The following PRDM11 variants were observed in gnomAD, a reference collection of about 807,000 sequenced individuals.
The protein encoded by PRDM11 is PR/SET domain 11.
A neutral mutation model predicts 97.8 loss-of-function variants in PRDM11; 20 were observed. The ratio of observed to expected loss-of-function variants is 0.20; its 90% CI spans 0.14 to 0.30. The LOEUF (loss-of-function observed/expected upper bound fraction) is 0.30, where lower values mean the gene tolerates loss of function less well. Among genes scored for constraint, PRDM11 ranks in the 10% least tolerant of loss-of-function variants. The pLI is 1.00. For missense variants in PRDM11, 1,139 were observed against 1,555.2 expected, an observed-to-expected ratio of 0.73 and a Z score of 4.50; for synonymous variants, 599 against 637.7, an observed-to-expected ratio of 0.94 and a Z score of 0.91.
chr11:45,189,547 G>A (rs1215081039), intron 4 of PRDM11, among the ~76,000 whole-genome samples: 1 of 152,202 alleles, frequency 6.6e-6, no homozygotes, highest in Non-Finnish European at 1.5e-5. Flanking sequence ...TTTCCCAGGG[G>A]CCCTTATAAA....
At chr11:45,157,802 A>G (rs1347822497) in intron 1 of PRDM11, among the ~76,000 whole-genome samples, 1 of 152,110 alleles carries the variant, frequency 6.6e-6, no homozygotes, top group Non-Finnish European at 1.5e-5. Context: ...GCCCTACTAG[A>G]GCTGCAGGAA....
chr11:45,167,492 G>A (rs1370712593), intron 1 of PRDM11, among the ~76,000 whole-genome samples: 2 of 152,192 alleles, frequency 1.3e-5, no homozygotes, highest in Non-Finnish European at 2.9e-5. Context: ...ACTATTCACA[G>A]TGGGCTGTGT....
intron 1 of PRDM11, among the ~76,000 whole-genome samples, chr11:45,140,857 A>G (rs1410507813): frequency 6.6e-6 from 1 of 152,188 alleles, no homozygotes; most frequent in Non-Finnish European, 1.5e-5. Flanking sequence ...CATCTCTTGA[A>G]TGATGATTGA....
chr11:45,210,363 G>A (rs1853683984), intron 5 of PRDM11, among the ~76,000 whole-genome samples: 1 of 152,212 alleles, frequency 6.6e-6, no homozygotes, highest in African/African-American at 2.4e-5. Context: ...CGGCCGAGGC[G>A]GGTGTCCCTT....
At chr11:45,213,703 G>T in intron 5 of PRDM11, 1 of 456,500 alleles carries the variant, frequency 2.2e-6, no homozygotes. Context: ...TCTCAGTGGG[G>T]GCTCAGGACA....
intron 1 of PRDM11, among the ~76,000 whole-genome samples, chr11:45,128,975 C>T (rs937324081): frequency 1.2e-4 from 18 of 152,062 alleles, no homozygotes; most frequent in Non-Finnish European, 2.2e-4. Flanking sequence ...TATATCATGA[C>T]CACATGGTGT....
intron 1 of PRDM11, among the ~76,000 whole-genome samples, chr11:45,098,285 C>T (rs1412117337): frequency 3.3e-5 from 5 of 152,202 alleles, no homozygotes; most frequent in African/African-American, 9.7e-5. Context: ...TAAGGAAGGA[C>T]CCTCTGGCCA....
intron 1 of PRDM11, among the ~76,000 whole-genome samples, chr11:45,126,447 T>C (rs1034560984): frequency 2.6e-4 from 40 of 152,178 alleles, no homozygotes; most frequent in African/African-American, 8.4e-4. Flanking sequence ...GTCTTTACAA[T>C]TTGGCATGGT....
At chr11:45,168,251 G>C (rs1852116108) in intron 1 of PRDM11, among the ~76,000 whole-genome samples, 1 of 152,166 alleles carries the variant, frequency 6.6e-6, no homozygotes, top group South Asian at 2.1e-4. Context: ...AGGTTCCCTG[G>C]ACTCCTTATG....
upstream of PRDM11, among the ~76,000 whole-genome samples, chr11:45,145,670 G>A (rs996456778): frequency 6.6e-6 from 1 of 152,234 alleles, no homozygotes; most frequent in Non-Finnish European, 1.5e-5. Flanking sequence ...TGGTAGGAGA[G>A]ACGTCGCCAT....
chr11:45,184,936 G>A lies in PRDM11; in HGVS notation c.486+1813G>A, dbSNP rs544901516. Among the ~76,000 whole-genome samples the A allele has an allele frequency of 8.5e-5, 13 of 152,230 alleles. No homozygotes were observed. The South Asian group carries it at 2.7e-3, about 32-fold the overall frequency. On this transcript the variant is annotated intron_variant, in intron 4 of 7. Coordinates refer to ENST00000683152, the MANE Select transcript of PRDM11 (RefSeq NM_001384648.1). The stretch of plus-strand genomic sequence containing the variant: ...CTTTGAGGGACTTTAGCAGTTCATG[G>A]TCTAGAAGGGGAGCTTGATCCTGCA...
upstream of PRDM11, among the ~76,000 whole-genome samples, chr11:45,142,142 T>C (rs1851418943): frequency 6.6e-6 from 1 of 152,194 alleles, no homozygotes; most frequent in African/African-American, 2.4e-5. Context: ...CAAGGTGATC[T>C]CATGAAAACA....
At chr11:45,099,561 A>C (rs1204801015) in intron 1 of PRDM11, among the ~76,000 whole-genome samples, 1 of 143,354 alleles carries the variant, frequency 7.0e-6, no homozygotes, top group Non-Finnish European at 1.5e-5. Context: ...TTTTTTTTTT[A>C]CTTTTTTTAT....
intron 4 of PRDM11, among the ~76,000 whole-genome samples, chr11:45,203,233 C>G (rs1050889064): frequency 6.6e-6 from 1 of 152,144 alleles, no homozygotes; most frequent in African/African-American, 2.4e-5. Flanking sequence ...CAACCCTGAT[C>G]TAGCTCATGT....
At chr11:45,125,330 T>C (rs552114572) in intron 1 of PRDM11, among the ~76,000 whole-genome samples, 7 of 152,332 alleles carry the variant, frequency 4.6e-5, no homozygotes, top group African/African-American at 1.4e-4. Context: ...TTTTTGTGTC[T>C]CTATTTCCTT....
chr11:45,110,750 C>T (rs1372233623), intron 1 of PRDM11, among the ~76,000 whole-genome samples: 1 of 152,180 alleles, frequency 6.6e-6, no homozygotes, highest in Non-Finnish European at 1.5e-5. Flanking sequence ...CTTCACATCC[C>T]ATTCCCTCAC....
At chr11:45,223,767 A>G (rs1854184565) in intron 6 of PRDM11, among the ~76,000 whole-genome samples, 1 of 152,122 alleles carries the variant, frequency 6.6e-6, no homozygotes, top group South Asian at 2.1e-4. Flanking sequence ...TTTCATGTGT[A>G]CCTTTTACCA....
chr11:45,212,295 C>T (rs1416365204), intron 5 of PRDM11, among the ~76,000 whole-genome samples: 1 of 152,142 alleles, frequency 6.6e-6, no homozygotes, highest in South Asian at 2.1e-4. Context: ...GCTGGGCCCA[C>T]GCACCTCAGG....
chr11:45,222,250 A>G (rs1854140895), intron 6 of PRDM11, among the ~76,000 whole-genome samples: 1 of 152,222 alleles, frequency 6.6e-6, no homozygotes, highest in South Asian at 2.1e-4. Context: ...TGATGCTTAA[A>G]GGTCTCTTTT....
Sources: gnomAD v4.1 joint callset for allele counts (sites outside exome capture counted in the v4.1 genomes callset) on GRCh38, gnomAD v4.1.1 for gene constraint, MANE v1.5 for transcripts, NCBI Gene and HGNC (gene_info 2026-07-23, HGNC 2026-07-21) for gene names.